ABCB4: variants seen among roughly 807,000 people sequenced by gnomAD.
The protein encoded by ABCB4 is phosphatidylcholine translocator ABCB4.
ABCB4 carries 76 observed loss-of-function variants against 145.7 expected under a neutral mutation model. The observed-to-expected ratio is 0.52, with a 90% CI of 0.43 to 0.63. The LOEUF is 0.63. Among genes scored for constraint, ABCB4 ranks in the 30% least tolerant of loss-of-function variants. ABCB4 has a pLI of 0.00. For synonymous variants in ABCB4, 517 were observed against 566.8 expected, an observed-to-expected ratio of 0.91 and a Z score of 1.25; for missense variants, 1,234 against 1,553.1, an observed-to-expected ratio of 0.79 and a Z score of 3.45.
intron 16 of ABCB4, 73 bp from the exon 17 acceptor site, chr7:87,424,125 C>T: frequency 6.2e-7 from 1 of 1,602,128 alleles, no homozygotes; most frequent in Non-Finnish European, 8.5e-7. Context: ...ATAGAAAAGG[C>T]ATGGCCATTG....
At chr7:87,459,077 G>A (rs889078037) in intron 4 of ABCB4, among the ~76,000 whole-genome samples, 1 of 151,770 alleles carries the variant, frequency 6.6e-6, no homozygotes, top group Non-Finnish European at 1.5e-5. Context: ...TAATAAAATT[G>A]GTCCAAAAGA....
At chr7:87,403,682 A>G (rs1807970105) in intron 26 of ABCB4, among the ~76,000 whole-genome samples, 1 of 152,194 alleles carries the variant, frequency 6.6e-6, no homozygotes, top group South Asian at 2.1e-4. Context: ...GTGTTGCACT[A>G]TGATATTATG....
At chr7:87,382,216 T>A in the ABCB4 span, 1 of 1,537,096 alleles carries the variant, frequency 6.5e-7, no homozygotes. Context: ...ATAATAATGA[T>A]TTTTTCTTTT....
chr7:87,428,291 G>T (rs559392244), intron 15 of ABCB4, among the ~76,000 whole-genome samples: 1 of 152,112 alleles, frequency 6.6e-6, no homozygotes, highest in Non-Finnish European at 1.5e-5. Flanking sequence ...TCAGCTGAAA[G>T]GTCATTGAGC....
chr7:87,402,776 C>T lies in ABCB4; in HGVS notation c.3633+359G>A, dbSNP rs1269180917. On this transcript the variant is annotated intron_variant, in intron 27 of 27. Transcript: ENST00000649586. ...CAGCACTTTGGGAGGCCGAGGCAGG[C>T]GGATCACAAGGTCAGGATTCGAGAC... 7.2e-5 allele frequency among the ~76,000 whole-genome samples: 11 copies of T among 152,156 alleles called. No individual in the cohort carries two copies. The South Asian group carries it at 8.3e-4, about 11-fold the overall frequency.
intron 4 of ABCB4, among the ~76,000 whole-genome samples, chr7:87,459,026 G>A (rs987616783): frequency 6.8e-6 from 1 of 147,902 alleles, no homozygotes; most frequent in Non-Finnish European, 1.5e-5. Context: ...AAATAAGAAA[G>A]TTGGGAATTA....
Position 87,447,038 on chromosome 7 carries a change from A to G in ABCB4, c.1001T>C (p.Met334Thr), listed in dbSNP as rs368756976. ...AATGTTAGGAGAACTACTTACTGTC[A>G]TTGCATTTCCAATAGTATATTCTTT... ...ISKEYTIGNA[M>T]TVFFSILIGA... Residue 334 changes from methionine (M) to threonine (T), a missense_variant, in exon 9 of 28, where the codon ATG (methionine) becomes ACG (threonine). Around this residue, in one of 7 missense-constraint regions of ABCB4, gnomAD observed 467 missense variants for 632.8 expected, o/e 0.74. Coordinates refer to ENST00000649586, the MANE Select transcript of ABCB4 (RefSeq NM_000443.4). The G allele has an allele frequency of 1.9e-6, 3 of 1,612,190 alleles. No homozygotes were observed. In the African/African-American group the frequency reaches 4.0e-5, roughly 22 times the overall value.
At position 87,462,851 on chromosome 7, in the gene ABCB4, T is replaced by C; in HGVS notation, c.193A>G (p.Ile65Val). Reference protein sequence around the residue: ...LFMSLGTIMAIAHGSGLPLMM... With the variant: ...LFMSLGTIMAVAHGSGLPLMM... ...AGGGGGAGACCTGATCCGTGAGCTA[T>C]GGCCATGATGGTACCCAGCGACATA... is the stretch of plus-strand genomic sequence containing the variant. Residue 65 changes from isoleucine to valine, a missense_variant, in exon 4 of 28, where the codon ATA (isoleucine) becomes GTA (valine). This residue lies in a region of ABCB4 where 4 missense variants were observed against 18.2 expected (regional missense o/e 0.22). Transcript: ENST00000649586. The C allele has an allele frequency of 4.3e-6, 7 of 1,613,848 alleles. No individual in the cohort carries two copies. Among genetic ancestry groups the C allele is most frequent in the South Asian group, 1.1e-5 (1 of 91,046 alleles).
intron 16 of ABCB4, among the ~76,000 whole-genome samples, chr7:87,425,040 G>GTT (rs553858190): frequency 1.4e-5 from 2 of 145,920 alleles, no homozygotes; most frequent in Non-Finnish European, 3.0e-5. Context: ...GTATTTCAGG[G>GTT]TTTTTTTTTT....
intron 12 of ABCB4, 76 bp from the exon 13 acceptor site, chr7:87,440,478 A>G: frequency 8.1e-7 from 1 of 1,231,076 alleles, no homozygotes. Context: ...CATGAAAAAC[A>G]TCCTACCTAA....
chr7:87,376,902 CTGAGT>C, the ABCB4 span, among the ~76,000 whole-genome samples: 1 of 152,016 alleles, frequency 6.6e-6, no homozygotes, highest in Non-Finnish European at 1.5e-5. Flanking sequence ...TTATGATGCA[CTGAGT>C]TAATTTCATG....
intron 7 of ABCB4, 22 bp from the exon 8 acceptor site, chr7:87,450,114 A>T (rs368328710): frequency 1.0e-4 from 166 of 1,613,612 alleles, no homozygotes; most frequent in South Asian, 4.6e-4. Context: ...AGAAACAGTG[A>T]TCACTTTTGT....
intron 7 of ABCB4, among the ~76,000 whole-genome samples, 182 bp downstream of exon 7, chr7:87,451,441 A>G (rs903144005): frequency 8.5e-5 from 13 of 152,170 alleles, no homozygotes; most frequent in Non-Finnish European, 1.5e-4. Context: ...AGCCTGTGAC[A>G]TTTTGAATTA....
At chr7:87,423,542 T>C (rs1204435863) in intron 17 of ABCB4, 9 of 340,678 alleles carry the variant, frequency 2.6e-5, no homozygotes, top group African/African-American at 6.4e-5. Flanking sequence ...TATTAAACTC[T>C]ATGACTTTAA....
chr7:87,397,642 G>C (rs1337420795), downstream of ABCB4, among the ~76,000 whole-genome samples: 6 of 152,154 alleles, frequency 3.9e-5, no homozygotes. Flanking sequence ...TGAATCACGA[G>C]GTGAAAACAA....
rs766764355 is a variant in ABCB4 at position 87,439,648 on chromosome 7, C to G, written c.1731+19G>C. 2.2e-5 allele frequency: 35 copies of G among 1,614,122 alleles called. No homozygotes were observed. The East Asian group carries it at 5.8e-4, about 27-fold the overall frequency. ...AGGTTTCAATGTGGTGGTCCTTCAGCTTTTTAGAGTCTACTGACCTTATCC... is the reference window on the plus strand; with the variant it reads ...AGGTTTCAATGTGGTGGTCCTTCAGGTTTTTAGAGTCTACTGACCTTATCC... On this transcript the variant is annotated intron_variant, in intron 14 of 27. Transcript: ENST00000649586.
At chr7:87,451,393 C>T (rs556703686) in intron 7 of ABCB4, among the ~76,000 whole-genome samples, 3 of 152,198 alleles carry the variant, frequency 2.0e-5, no homozygotes, top group South Asian at 4.2e-4. Context: ...ACCTTGGCCT[C>T]CCAAAGTGCT....
the ABCB4 span, among the ~76,000 whole-genome samples, chr7:87,387,687 C>T: frequency 1.6e-4 from 24 of 152,312 alleles, no homozygotes; most frequent in African/African-American, 5.1e-4. Flanking sequence ...CATGGTGGCT[C>T]ACACCTGTAA....
chr7:87,461,343 A>C (rs1812447845), intron 4 of ABCB4, among the ~76,000 whole-genome samples: 2 of 152,248 alleles, frequency 1.3e-5, no homozygotes, highest in Admixed American at 1.3e-4. Context: ...CAATCCATTT[A>C]AAACTTTCCC....
Sources: allele counts gnomAD v4.1 joint callset (sites outside exome capture counted in the v4.1 genomes callset), GRCh38; gene constraint gnomAD v4.1.1; regional missense constraint gnomAD v4.1.1; transcripts MANE v1.5; gene names NCBI Gene and HGNC (gene_info 2026-07-23, HGNC 2026-07-21).